ATP6V1C2: variants seen among roughly 807,000 people sequenced by gnomAD.
ATP6V1C2 encodes the protein V-type proton ATPase subunit C 2.
ATP6V1C2 carries 45 observed loss-of-function variants against 56.8 expected under a neutral mutation model. That is an observed-to-expected ratio of 0.79 (90% CI 0.62 to 1.02). ATP6V1C2 has a LOEUF of 1.02. Among genes scored for constraint, ATP6V1C2 ranks in the 50% least tolerant of loss-of-function variants. The pLI is 0.00. For missense variants in ATP6V1C2, 463 were observed against 519.7 expected (o/e 0.89, Z 1.06); for synonymous variants, 220 against 201.3 (o/e 1.09, Z -0.79).
At chr2:10,767,878 T>A (rs1664332736) in intron 5 of ATP6V1C2, 1 of 152,216 alleles carries the variant, frequency 6.6e-6, no homozygotes, top group Admixed American at 6.5e-5. Context: ...GCTGTGATCA[T>A]CGCCCCCATT....
At position 10,760,809 on chromosome 2, in the gene ATP6V1C2, CT is replaced by C. The variant is rs536213325; in HGVS notation, c.284-3519del. ...TCAGATGGAAAGGGAGACCTCAGCC[CT>C]TTGGTCTGAATGCCATGAAGACCTT... On this transcript the variant is annotated intron_variant, in intron 4 of 13. Coordinates refer to ENST00000272238, the MANE Select transcript of ATP6V1C2 (RefSeq NM_001039362.2). Among the ~76,000 whole-genome samples, 1,155 of 152,316 alleles carry C rather than the reference CT, an allele frequency of 7.6e-3. 15 individuals are homozygous for C. Among genetic ancestry groups the C allele is most frequent in the Non-Finnish European group, 0.012 (791 of 68,034 alleles).
intron 12 of ATP6V1C2, 99 bp from the exon 13 acceptor site, chr2:10,782,144 A>T: frequency 1.4e-6 from 2 of 1,418,882 alleles, no homozygotes; most frequent in Non-Finnish European, 1.9e-6. Flanking sequence ...GTGTTGGTTG[A>T]AGCTTTTCAC....
At position 10,777,984 on chromosome 2, in the gene ATP6V1C2, A is replaced by G. The variant is rs1665109598; in HGVS notation, c.963+262A>G. On this transcript the variant is annotated intron_variant, in intron 11 of 13. Transcript: ENST00000272238. ...GGAGGTGGCTGGAGCTGGGACGGGC[A>G]GGGCCCTGGCTGGGGTGGTGGTTGG... 4.1e-5 allele frequency among the ~76,000 whole-genome samples: 6 copies of G among 146,706 alleles called. No individual in the cohort carries two copies. The South Asian group carries it at 1.3e-3, about 31-fold the overall frequency.
chr2:10,773,100 C>A (rs541546829), intron 8 of ATP6V1C2, among the ~76,000 whole-genome samples: 1 of 152,186 alleles, frequency 6.6e-6, no homozygotes, highest in African/African-American at 2.4e-5. Context: ...CTGTCCATCA[C>A]GGGACACTGC....
At chr2:10,724,875 G>A (rs1160915177) in intron 2 of ATP6V1C2, among the ~76,000 whole-genome samples, 2 of 151,980 alleles carry the variant, frequency 1.3e-5, no homozygotes, top group African/African-American at 2.4e-5. Flanking sequence ...GTGTCACCAG[G>A]TTGACCAGTT....
intron 1 of ATP6V1C2, 57 bp downstream of exon 1, chr2:10,721,788 A>C (rs1661374235): frequency 6.6e-6 from 1 of 152,020 alleles, no homozygotes; most frequent in Non-Finnish European, 1.5e-5. Flanking sequence ...GGACACAGGC[A>C]CGGGGTCCGG....
chr2:10,761,642 G>T (rs1281404798), intron 4 of ATP6V1C2, among the ~76,000 whole-genome samples: 1 of 152,160 alleles, frequency 6.6e-6, no homozygotes, highest in Non-Finnish European at 1.5e-5. Flanking sequence ...TTCTCCTGAG[G>T]GCTCTCTGCC....
intron 8 of ATP6V1C2, among the ~76,000 whole-genome samples, chr2:10,774,115 A>T (rs1212217970): frequency 2.0e-5 from 3 of 152,250 alleles, no homozygotes; most frequent in Non-Finnish European, 4.4e-5. Flanking sequence ...GCCACCTGAA[A>T]GCCTGCACAG....
rs773389434 is a variant in ATP6V1C2, at chr2:10,768,773, C to G, written c.433C>G (p.Leu145Val). 2 of 1,614,038 alleles carry G rather than the reference C, an allele frequency of 1.2e-6. No homozygotes were observed. Among genetic ancestry groups the G allele is most frequent in the South Asian group, 2.2e-5 (2 of 91,086 alleles). ...GTCCCGAACGGCCGCCTACAACACT[C>G]TGAAGACAAACCTGGAGAACCTGGA... ...LKSRTAAYNTLKTNLENLEKK... is the reference protein window; with the variant it reads ...LKSRTAAYNTVKTNLENLEKK... Residue 145 changes from leucine to valine, a missense_variant, in exon 6 of 14, where the codon CTG becomes GTG. Leu to Val is a conservative substitution (Grantham distance 32, BLOSUM62 1). Coordinates refer to ENST00000272238, the MANE Select transcript of ATP6V1C2 (RefSeq NM_001039362.2).
At chr2:10,739,575 G>A (rs2148430552) in intron 3 of ATP6V1C2, among the ~76,000 whole-genome samples, 1 of 151,882 alleles carries the variant, frequency 6.6e-6, no homozygotes, top group East Asian at 1.9e-4. Context: ...GCTTCTTATC[G>A]ACCCGATCCC....
In ATP6V1C2 at chr2:10,768,767, A is replaced by C. The variant is rs1198849; in HGVS notation, c.427A>C (p.Asn143His). 6.2e-6 allele frequency: 10 copies of C among 1,613,696 alleles called. No homozygotes were observed. The highest frequency in any genetic ancestry group is 2.7e-5 in the African/African-American group (2 of 74,858). ...CCTGAAGTCCCGAACGGCCGCCTACAACACTCTGAAGACAAACCTGGAGAA... is the reference window on the plus strand; with the variant it reads ...CCTGAAGTCCCGAACGGCCGCCTACCACACTCTGAAGACAAACCTGGAGAA... Reference protein sequence around the residue: ...MDLKSRTAAYNTLKTNLENLE... With the variant: ...MDLKSRTAAYHTLKTNLENLE... Residue 143 changes from asparagine to histidine, a missense_variant, in exon 6 of 14, where the codon AAC becomes CAC. Asn to His is a moderately conservative substitution (Grantham distance 68). Transcript: ENST00000272238.
chr2:10,776,130 C>T (rs924460777), intron 10 of ATP6V1C2, among the ~76,000 whole-genome samples: 1 of 152,152 alleles, frequency 6.6e-6, no homozygotes, highest in South Asian at 2.1e-4. Context: ...GCCACGGAGC[C>T]CCCGTAGTGG....
intron 4 of ATP6V1C2, among the ~76,000 whole-genome samples, chr2:10,761,888 G>T (rs976982446): frequency 3.3e-5 from 5 of 152,196 alleles, no homozygotes; most frequent in Non-Finnish European, 7.3e-5. Context: ...ATTCTCCCAA[G>T]GACTTCTTCC....
At chr2:10,729,331 T>G (rs1661832170) in intron 3 of ATP6V1C2, among the ~76,000 whole-genome samples, 1 of 151,952 alleles carries the variant, frequency 6.6e-6, no homozygotes, top group South Asian at 2.1e-4. Flanking sequence ...GCCTAGCTAA[T>G]TTTTGTATTT....
chr2:10,776,967 ATC>A (rs1665032440), intron 10 of ATP6V1C2, among the ~76,000 whole-genome samples: 2 of 152,174 alleles, frequency 1.3e-5, no homozygotes, highest in Non-Finnish European at 2.9e-5. Context: ...CCTCTGGCCT[ATC>A]TAGAAGTGCA....
chr2:10,732,503 G>A (rs1326147471), intron 3 of ATP6V1C2, among the ~76,000 whole-genome samples: 3 of 151,802 alleles, frequency 2.0e-5, no homozygotes, highest in South Asian at 2.1e-4. Flanking sequence ...CAGGTGATCC[G>A]CCAGCCTTGG....
chr2:10,766,346 A>G (rs1179017325), intron 5 of ATP6V1C2, among the ~76,000 whole-genome samples: 6 of 152,222 alleles, frequency 3.9e-5, no homozygotes, highest in Admixed American at 2.0e-4. Context: ...ACATTTAGTC[A>G]AAGGAGACTC....
chr2:10,743,877 C>T (rs1040887427), intron 3 of ATP6V1C2, among the ~76,000 whole-genome samples: 4 of 151,426 alleles, frequency 2.6e-5, no homozygotes, highest in East Asian at 1.9e-4. Context: ...CCCAGCTACT[C>T]GAGAGGCTGA....
chr2:10,785,103 A>T lies in ATP6V1C2; in HGVS notation c.*1840A>T, dbSNP rs1665655055. ...CTGGTGCAGAAGAATAAACAACTTTAAAAATAACAGTCTGCCTACTTTGTT... is the reference window on the plus strand; with the variant it reads ...CTGGTGCAGAAGAATAAACAACTTTTAAAATAACAGTCTGCCTACTTTGTT... On this transcript the variant is annotated 3_prime_UTR_variant, in exon 14 of 14. Coordinates refer to ENST00000272238, the MANE Select transcript of ATP6V1C2 (RefSeq NM_001039362.2). 5 of 1,033,456 alleles carry T rather than the reference A, an allele frequency of 4.8e-6. No homozygotes were observed. The highest frequency in any genetic ancestry group is 7.4e-6 in the Non-Finnish European group (5 of 677,450). 64.0% of individuals were successfully genotyped at this position (1,033,456 alleles called of 1,614,324 possible). A position where few individuals can be genotyped will look rare whatever the true frequency, so the allele number is the denominator to read the frequency against.
Sources: gnomAD v4.1 joint callset for allele counts (sites outside exome capture counted in the v4.1 genomes callset) on GRCh38, gnomAD v4.1.1 for gene constraint, MANE v1.5 for transcripts, NCBI Gene and HGNC (gene_info 2026-07-23, HGNC 2026-07-21) for gene names.